KIAA1217: variants seen among roughly 807,000 people sequenced by gnomAD.
The protein encoded by KIAA1217 is KIAA1217, also known as sickle tail protein homolog.
KIAA1217 carries 88 observed loss-of-function variants against 163.9 expected under a neutral mutation model. The ratio of observed to expected loss-of-function variants is 0.54; its 90% CI spans 0.45 to 0.64. The LOEUF (loss-of-function observed/expected upper bound fraction) is 0.64, where lower values mean the gene tolerates loss of function less well. Ranked by LOEUF, KIAA1217 falls within the 30% of genes least tolerant of loss-of-function variation. KIAA1217 has a pLI of 0.00. For missense variants in KIAA1217, 2,372 were observed against 2,475.0 expected (o/e 0.96, Z 0.88); for synonymous variants, 903 against 923.1 (o/e 0.98, Z 0.39).
At chr10:24,257,236 TA>T (rs2075259328) in intron 2 of KIAA1217, among the ~76,000 whole-genome samples, 1 of 152,156 alleles carries the variant, frequency 6.6e-6, no homozygotes, top group Admixed American at 6.5e-5. Flanking sequence ...CTAATGGCTT[TA>T]AAAAACTTTG....
chr10:23,938,872 T>C (rs573736733), intron 1 of KIAA1217, among the ~76,000 whole-genome samples: 1 of 152,282 alleles, frequency 6.6e-6, no homozygotes, highest in South Asian at 2.1e-4. Context: ...CAATAAAAAT[T>C]AACAGTTGTG....
chr10:24,390,645 A>G, intron 3 of KIAA1217, among the ~76,000 whole-genome samples: 1 of 152,218 alleles, frequency 6.6e-6, no homozygotes, highest in East Asian at 1.9e-4. Context: ...TTAATTTGCC[A>G]AAACATTCTC....
intron 1 of KIAA1217, among the ~76,000 whole-genome samples, chr10:23,970,008 A>T (rs1845243115): frequency 1.3e-5 from 2 of 152,204 alleles, no homozygotes; most frequent in African/African-American, 4.8e-5. Context: ...AGATTTACTC[A>T]CTACCATGAG....
chr10:24,293,824 G>A (rs2079370758), intron 2 of KIAA1217, among the ~76,000 whole-genome samples: 1 of 152,198 alleles, frequency 6.6e-6, no homozygotes, highest in Non-Finnish European at 1.5e-5. Context: ...CACAGATAGA[G>A]TGCAGAAACC....
chr10:24,546,530 C>A lies in KIAA1217; in HGVS notation c.*206C>A. On this transcript the variant is annotated 3_prime_UTR_variant, in exon 21 of 21. Coordinates refer to ENST00000376454, the MANE Select transcript of KIAA1217 (RefSeq NM_019590.5). Reference sequence around the variant, plus strand: ...TTTTACCTAGTTGCTATAGTGTCTACAGTCTATACTCAATACCTATAAAAT... The same window carrying A: ...TTTTACCTAGTTGCTATAGTGTCTAAAGTCTATACTCAATACCTATAAAAT... The A allele has an allele frequency of 1.7e-6, 1 of 579,822 alleles. No individual in the cohort carries two copies. The highest frequency in any genetic ancestry group is 2.3e-5 in the South Asian group (1 of 42,778). The allele number at this position is 579,822 out of a possible 1,614,324, so 35.9% of individuals were successfully genotyped here. A position where few individuals can be genotyped will look rare whatever the true frequency, so the allele number is the denominator to read the frequency against.
chr10:24,140,323 G>T (rs2064007692), intron 2 of KIAA1217, among the ~76,000 whole-genome samples: 1 of 147,558 alleles, frequency 6.8e-6, no homozygotes. Context: ...TCGTGCCACT[G>T]TACTCCAGCC....
At chr10:24,439,695 T>C (rs2132009517) in intron 5 of KIAA1217, among the ~76,000 whole-genome samples, 1 of 152,040 alleles carries the variant, frequency 6.6e-6, no homozygotes, top group South Asian at 2.1e-4. Flanking sequence ...TCAACATTTC[T>C]TGGTTTGCTG....
intron 2 of KIAA1217, among the ~76,000 whole-genome samples, chr10:24,318,254 A>T (rs77168731): frequency 0.014 from 2,125 of 152,280 alleles, 45 homozygotes; most frequent in East Asian, 0.1. Flanking sequence ...GTATAGATAG[A>T]TGAATAGGTA....
chr10:23,723,977 T>C (rs1290182677), intron 1 of KIAA1217, among the ~76,000 whole-genome samples: 1 of 152,004 alleles, frequency 6.6e-6, no homozygotes, highest in Admixed American at 6.6e-5. Context: ...TAGCGGAAGA[T>C]AAAAGGGGAG....
intron 2 of KIAA1217, among the ~76,000 whole-genome samples, chr10:24,165,887 T>C (rs2065321160): frequency 6.6e-6 from 1 of 152,204 alleles, no homozygotes; most frequent in Non-Finnish European, 1.5e-5. Flanking sequence ...TGATTTATCT[T>C]TGGGTGAACT....
At chr10:24,483,420 C>A (rs992863592) in intron 6 of KIAA1217, among the ~76,000 whole-genome samples, 10 of 152,182 alleles carry the variant, frequency 6.6e-5, no homozygotes, top group African/African-American at 2.4e-4. Flanking sequence ...AACGTGAGAC[C>A]TTTCATGTCG....
At chr10:24,440,162 C>T (rs2060371911) in intron 5 of KIAA1217, among the ~76,000 whole-genome samples, 1 of 152,172 alleles carries the variant, frequency 6.6e-6, no homozygotes, top group African/African-American at 2.4e-5. Context: ...GAATTGAAAG[C>T]TGTGTCGCTA....
intron 8 of KIAA1217, among the ~76,000 whole-genome samples, chr10:24,495,855 A>G (rs2066719365): frequency 6.6e-6 from 1 of 152,086 alleles, no homozygotes; most frequent in Non-Finnish European, 1.5e-5. Flanking sequence ...TTTTAATCTC[A>G]TGACAGATGA....
intron 1 of KIAA1217, among the ~76,000 whole-genome samples, chr10:23,811,241 TTA>T (rs1168948143): frequency 6.9e-6 from 1 of 144,292 alleles, no homozygotes; most frequent in Non-Finnish European, 1.5e-5. Flanking sequence ...TGTATATATA[TTA>T]TATATAGTAT....
intron 2 of KIAA1217, among the ~76,000 whole-genome samples, chr10:24,176,789 C>T (rs543374410): frequency 3.9e-5 from 6 of 152,302 alleles, no homozygotes; most frequent in African/African-American, 4.8e-5. Flanking sequence ...TGGCGCCCAT[C>T]GGGGAGGCTC....
intron 1 of KIAA1217, among the ~76,000 whole-genome samples, chr10:23,736,684 G>A (rs969813056): frequency 3.3e-5 from 5 of 151,918 alleles, no homozygotes; most frequent in African/African-American, 1.2e-4. Flanking sequence ...CACCATGCCT[G>A]GCTAATTTAA....
At chr10:24,055,301 T>G (rs954306844) in intron 2 of KIAA1217, among the ~76,000 whole-genome samples, 1 of 152,132 alleles carries the variant, frequency 6.6e-6, no homozygotes, top group Non-Finnish European at 1.5e-5. Context: ...TCTTGGAAAT[T>G]TATATTTAAA....
At position 24,514,897 on chromosome 10, in the gene KIAA1217, C is replaced by T. The variant is rs934105011; in HGVS notation, c.2177+1463C>T. Among the ~76,000 whole-genome samples the T allele has an allele frequency of 3.3e-5, 5 of 151,794 alleles. No individual in the cohort carries two copies. The South Asian group carries it at 1.0e-3, about 32-fold the overall frequency. On this transcript the variant is annotated intron_variant, in intron 10 of 20. Transcript: ENST00000376454. ...GTCCCAGCTACTCAGGAGGCTGAGGCAAGAGAATTGCTTGAACCCGGGAGG... is the reference window on the plus strand; with the variant it reads ...GTCCCAGCTACTCAGGAGGCTGAGGTAAGAGAATTGCTTGAACCCGGGAGG...
At chr10:24,200,161 T>C (rs2067184416) in intron 2 of KIAA1217, among the ~76,000 whole-genome samples, 2 of 151,824 alleles carry the variant, frequency 1.3e-5, no homozygotes, top group African/African-American at 4.8e-5. Context: ...CTTTCTTTGG[T>C]TTGTGTTGCC....
Sources: allele counts gnomAD v4.1 joint callset (sites outside exome capture counted in the v4.1 genomes callset), GRCh38; gene constraint gnomAD v4.1.1; transcripts MANE v1.5; gene names NCBI Gene and HGNC (gene_info 2026-07-23, HGNC 2026-07-21).